The following EDA variants were observed in gnomAD, a reference collection of about 807,000 sequenced individuals.
EDA encodes the protein ectodysplasin-A.
EDA carries 2 observed loss-of-function variants against 23.6 expected under a neutral mutation model. That is an observed-to-expected ratio of 0.08 (90% CI 0.03 to 0.27). EDA has a LOEUF of 0.27. Ranked by LOEUF, EDA falls within the 10% of genes least tolerant of loss-of-function variation. The probability of loss-of-function intolerance (pLI) is 1.00; values close to 1 mark genes in which losing one functional copy is unlikely to be tolerated. For synonymous variants in EDA, 131 were observed against 132.0 expected (o/e 0.99, Z 0.05); for missense variants, 229 against 324.2 (o/e 0.71, Z 2.26).
At chrX:69,658,861 A>G (rs1933401067) in intron 1 of EDA, among the ~76,000 whole-genome samples, 1 of 111,622 alleles carries the variant, frequency 9.0e-6, no homozygotes, top group Non-Finnish European at 1.9e-5. Flanking sequence ...GCAGTCTGTA[A>G]AAGGAGGATC....
rs181925113 is a variant in EDA at position 70,015,272 on chromosome X, C to G, written c.503-7946C>G. Among the ~76,000 whole-genome samples the G allele has an allele frequency of 2.9e-3, 325 of 112,014 alleles. 1 individual carries two copies. Among genetic ancestry groups the G allele is most frequent in the South Asian group, 5.6e-3 (15 of 2,663 alleles). On this transcript the variant is annotated intron_variant, in intron 2 of 7. Coordinates refer to ENST00000374552, the MANE Select transcript of EDA (RefSeq NM_001399.5). ...AGATTGGGAGCCTATATTCAGCATTCTTAAAGAAAAGAAACTCCGGCCAGG... is the reference window on the plus strand; with the variant it reads ...AGATTGGGAGCCTATATTCAGCATTGTTAAAGAAAAGAAACTCCGGCCAGG...
chrX:69,666,741 C>A (rs1449839097), intron 1 of EDA, among the ~76,000 whole-genome samples: 2 of 111,543 alleles, frequency 1.8e-5, no homozygotes, highest in Non-Finnish European at 3.8e-5. Flanking sequence ...CATCAGTAGC[C>A]TTTAGTTTTC....
chrX:69,630,133 G>A (rs188818106), intron 1 of EDA, among the ~76,000 whole-genome samples: 27 of 111,630 alleles, frequency 2.4e-4, no homozygotes, highest in African/African-American at 7.8e-4. Flanking sequence ...AAAAGCCCAG[G>A]TTGTGGTTAT....
intron 1 of EDA, among the ~76,000 whole-genome samples, chrX:69,683,960 C>T (rs779170242): frequency 1.8e-5 from 2 of 111,695 alleles, no homozygotes; most frequent in South Asian, 7.4e-4. Context: ...ATGAAATTGT[C>T]CTGCATATAT....
rs188409303 is a variant in EDA at position 69,928,294 on chromosome X, T to A, written c.397-28733T>A. On this transcript the variant is annotated intron_variant, in intron 1 of 7. Coordinates refer to ENST00000374552, the MANE Select transcript of EDA (RefSeq NM_001399.5). ...AGTAATTCTGATACTGGCCCCTGGT[T>A]AAGAGTCATCATATGAAACAATACT... Among the ~76,000 whole-genome samples the A allele has an allele frequency of 5.1e-3, 573 of 111,659 alleles. 2 individuals carry two copies. Among genetic ancestry groups the A allele is most frequent in the Non-Finnish European group, 7.9e-3 (418 of 53,002 alleles).
At chrX:69,779,401 C>T (rs1410549594) in intron 1 of EDA, among the ~76,000 whole-genome samples, 1 of 111,194 alleles carries the variant, frequency 9.0e-6, no homozygotes, top group Non-Finnish European at 1.9e-5. Context: ...TCTTAAACAT[C>T]CCAAGTGAAA....
At chrX:70,006,253 A>G (rs961730451) in intron 2 of EDA, among the ~76,000 whole-genome samples, 2 of 112,080 alleles carry the variant, frequency 1.8e-5, no homozygotes, top group Admixed American at 9.5e-5. Context: ...AGCACAATTT[A>G]TGGGTCATAT....
At chrX:69,637,699 A>G (rs1256817907) in intron 1 of EDA, among the ~76,000 whole-genome samples, 1 of 111,333 alleles carries the variant, frequency 9.0e-6, no homozygotes, top group Non-Finnish European at 1.9e-5. Flanking sequence ...AATAAAGATA[A>G]TATCGACTCT....
intron 1 of EDA, among the ~76,000 whole-genome samples, chrX:69,702,800 C>T (rs180692893): frequency 4.3e-3 from 478 of 111,278 alleles, no homozygotes; most frequent in Non-Finnish European, 6.5e-3. Flanking sequence ...CAGCCGTCAG[C>T]AATAATTGCT....
intron 1 of EDA, among the ~76,000 whole-genome samples, chrX:69,874,228 C>T (rs748417623): frequency 2.3e-4 from 25 of 110,719 alleles, no homozygotes; most frequent in African/African-American, 8.2e-4. Context: ...AGGAGAATCA[C>T]GTGAACCCGG....
chrX:69,634,982 TAC>T (rs1227070621), intron 1 of EDA, among the ~76,000 whole-genome samples: 1 of 112,408 alleles, frequency 8.9e-6, no homozygotes, highest in Non-Finnish European at 1.9e-5. Flanking sequence ...GAATATTATG[TAC>T]AGTGTTCAGT....
intron 1 of EDA, among the ~76,000 whole-genome samples, chrX:69,707,093 C>T (rs2011758508): frequency 8.9e-6 from 1 of 111,815 alleles, no homozygotes; most frequent in Non-Finnish European, 1.9e-5. Flanking sequence ...TCATGTTGAC[C>T]AGAAAGAGGT....
At chrX:69,828,348 C>T (rs966280933) in intron 1 of EDA, among the ~76,000 whole-genome samples, 4 of 112,267 alleles carry the variant, frequency 3.6e-5, no homozygotes, top group East Asian at 2.8e-4. Context: ...TAGCAATCAG[C>T]GAGACTCCGT....
chrX:69,789,035 G>A (rs899057741), intron 1 of EDA, among the ~76,000 whole-genome samples: 1 of 112,287 alleles, frequency 8.9e-6, no homozygotes, highest in Non-Finnish European at 1.9e-5. Context: ...GCAGTATTCG[G>A]GTGGGAGTGA....
intron 1 of EDA, among the ~76,000 whole-genome samples, chrX:69,719,560 A>T (rs1448977550): frequency 9.0e-6 from 1 of 111,090 alleles, no homozygotes; most frequent in Non-Finnish European, 1.9e-5. Context: ...ACCCCTGTGT[A>T]TCAATGGCTT....
intron 1 of EDA, among the ~76,000 whole-genome samples, chrX:69,761,664 A>G (rs1351374317): frequency 8.9e-6 from 1 of 112,076 alleles, no homozygotes; most frequent in Non-Finnish European, 1.9e-5. Flanking sequence ...TTTGCTTTAT[A>G]CAATTGTTCT....
At chrX:69,739,761 A>C (rs2147371648) in intron 1 of EDA, among the ~76,000 whole-genome samples, 1 of 111,029 alleles carries the variant, frequency 9.0e-6, no homozygotes, top group Non-Finnish European at 1.9e-5. Flanking sequence ...CTTTACTCCT[A>C]GGTAGGTCTA....
intron 1 of EDA, among the ~76,000 whole-genome samples, chrX:69,936,248 G>A (rs2018672895): frequency 9.0e-6 from 1 of 110,777 alleles, no homozygotes; most frequent in Admixed American, 9.7e-5. Context: ...AGGGTAAACA[G>A]TGATGGAATA....
At chrX:69,735,177 C>T (rs1246796880) in intron 1 of EDA, among the ~76,000 whole-genome samples, 2 of 109,514 alleles carry the variant, frequency 1.8e-5, no homozygotes, top group African/African-American at 6.6e-5. Flanking sequence ...TATGTATACA[C>T]ACATGCATAC....
Sources: allele counts gnomAD v4.1 joint callset (sites outside exome capture counted in the v4.1 genomes callset), GRCh38; gene constraint gnomAD v4.1.1; transcripts MANE v1.5; gene names NCBI Gene and HGNC (gene_info 2026-07-23, HGNC 2026-07-21).